Variants in ROR1 observed in about 807,000 individuals in gnomAD.
ROR1 encodes inactive tyrosine-protein kinase transmembrane receptor ROR1.
A neutral mutation model predicts 78.8 loss-of-function variants in ROR1; 19 were observed. That is an observed-to-expected ratio of 0.24 (90% CI 0.17 to 0.35). The LOEUF (loss-of-function observed/expected upper bound fraction) is 0.35, where lower values mean the gene tolerates loss of function less well. Among genes scored for constraint, ROR1 ranks in the 10% least tolerant of loss-of-function variants. ROR1 has a pLI of 1.00. For missense variants in ROR1, 917 were observed against 1,177.8 expected, an observed-to-expected ratio of 0.78 and a Z score of 3.24; for synonymous variants, 386 against 433.6, an observed-to-expected ratio of 0.89 and a Z score of 1.36.
Position 63,877,790 on chromosome 1 carries a change from TG to T in ROR1, c.91+103289del, listed in dbSNP as rs535743587. Reference sequence around the variant, plus strand: ...GCTCCTATATATTTATTAGACATTTTGGGGGGGAAACAGTGAATGAATGAGA... The same window carrying T: ...GCTCCTATATATTTATTAGACATTTTGGGGGGAAACAGTGAATGAATGAGA... On this transcript the variant is annotated intron_variant, in intron 1 of 8. Coordinates refer to ENST00000371079, the MANE Select transcript of ROR1 (RefSeq NM_005012.4). Among the ~76,000 whole-genome samples, 15 of 152,178 alleles carry T rather than the reference TG, an allele frequency of 9.9e-5. No homozygotes were observed. The South Asian group carries it at 2.5e-3, about 25-fold the overall frequency.
At chr1:64,165,612 T>G (rs951859771) in intron 8 of ROR1, among the ~76,000 whole-genome samples, 1 of 152,102 alleles carries the variant, frequency 6.6e-6, no homozygotes, top group Non-Finnish European at 1.5e-5. Flanking sequence ...TTGCTTTTGG[T>G]GTCTTCGTCA....
At chr1:63,954,641 T>C (rs1292360023) in intron 1 of ROR1, among the ~76,000 whole-genome samples, 1 of 152,214 alleles carries the variant, frequency 6.6e-6, no homozygotes, top group East Asian at 1.9e-4. Flanking sequence ...AAACATTGTG[T>C]CTGTACAGGC....
Position 63,774,638 on chromosome 1 carries a change from C to G in ROR1, c.91+130C>G. 1 of 336,192 alleles carries G rather than the reference C, an allele frequency of 3.0e-6. No homozygotes were observed. Among genetic ancestry groups the G allele is most frequent in the Non-Finnish European group, 4.3e-6 (1 of 233,824 alleles). 20.8% of individuals were successfully genotyped at this position (336,192 alleles called of 1,614,324 possible). On this transcript the variant is annotated intron_variant, in intron 1 of 8. Transcript: ENST00000371079. The surrounding 1 kb of genome is among the most constrained non-coding windows in gnomAD (Gnocchi z 5.7). ...CCGGGGCGCGTCCGGCCACCCGCCA[C>G]GGGGCTCGCCGGCGCCGCCAGGCCA... is the stretch of plus-strand genomic sequence containing the variant.
At chr1:64,008,579 A>G (rs115533847) in intron 1 of ROR1, among the ~76,000 whole-genome samples, 2 of 152,098 alleles carry the variant, frequency 1.3e-5, no homozygotes, top group Non-Finnish European at 2.9e-5. Context: ...CATTCCCCCA[A>G]CAGTGTATTA....
intron 1 of ROR1, among the ~76,000 whole-genome samples, chr1:63,959,334 G>A (rs1228052739): frequency 6.6e-6 from 1 of 152,152 alleles, no homozygotes; most frequent in African/African-American, 2.4e-5. Context: ...GATTTGGGTG[G>A]GGACACAGCC....
At chr1:63,932,019 C>G (rs192634013) in intron 1 of ROR1, among the ~76,000 whole-genome samples, 1 of 152,262 alleles carries the variant, frequency 6.6e-6, no homozygotes, top group Non-Finnish European at 1.5e-5. Context: ...CTGCTATACT[C>G]ATATTATGTA....
chr1:63,923,315 C>T (rs1645673187), intron 1 of ROR1, among the ~76,000 whole-genome samples: 1 of 152,044 alleles, frequency 6.6e-6, no homozygotes, highest in Non-Finnish European at 1.5e-5. Flanking sequence ...GACGCAAGGT[C>T]CTGTTGGTTT....
At chr1:63,856,288 T>G (rs1295886802) in intron 1 of ROR1, among the ~76,000 whole-genome samples, 3 of 152,262 alleles carry the variant, frequency 2.0e-5, no homozygotes, top group Non-Finnish European at 4.4e-5. Flanking sequence ...CTTTGAAGAT[T>G]TGGAAGACTG....
chr1:63,843,058 T>A (rs979844858), intron 1 of ROR1: 35 of 485,746 alleles, frequency 7.2e-5, no homozygotes, highest in African/African-American at 5.7e-4. Flanking sequence ...GTTTGGCAAC[T>A]GGAGTGAAGG....
At chr1:64,089,413 G>T (rs1647178200) in intron 4 of ROR1, among the ~76,000 whole-genome samples, 1 of 151,970 alleles carries the variant, frequency 6.6e-6, no homozygotes, top group Non-Finnish European at 1.5e-5. Context: ...GATTTGCCAT[G>T]TTGCCCAAGC....
In ROR1 at chr1:64,160,092, C is replaced by A. The variant is rs1649895392; in HGVS notation, c.1386+900C>A. 2.6e-5 allele frequency among the ~76,000 whole-genome samples: 4 copies of A among 151,984 alleles called. No individual in the cohort carries two copies. The South Asian group carries it at 8.3e-4, about 32-fold the overall frequency. The stretch of plus-strand genomic sequence containing the variant: ...TCTAATTATTCCAATTCCATAAGAA[C>A]ATTCATTCATTCAACAAATATTTAT... On this transcript the variant is annotated intron_variant, in intron 8 of 8. Transcript: ENST00000371079.
intron 1 of ROR1, among the ~76,000 whole-genome samples, chr1:63,806,990 A>G (rs1352146591): frequency 6.6e-6 from 1 of 152,178 alleles, no homozygotes; most frequent in African/African-American, 2.4e-5. Context: ...TTTCTTCCTT[A>G]ATGTGATCAA....
intron 2 of ROR1, among the ~76,000 whole-genome samples, chr1:64,027,450 T>C (rs1289320976): frequency 6.6e-6 from 1 of 152,234 alleles, no homozygotes; most frequent in Non-Finnish European, 1.5e-5. Context: ...TTTTAATCAA[T>C]GGCAATTAAC....
At chr1:64,044,287 C>T (rs1295436749) in intron 2 of ROR1, among the ~76,000 whole-genome samples, 1 of 152,124 alleles carries the variant, frequency 6.6e-6, no homozygotes, top group Non-Finnish European at 1.5e-5. Context: ...GGCTTGGTGT[C>T]CAAATCCTGG....
At chr1:63,840,177 A>G (rs1645040673) in intron 1 of ROR1, among the ~76,000 whole-genome samples, 1 of 152,036 alleles carries the variant, frequency 6.6e-6, no homozygotes. Context: ...TTTGTCTTAC[A>G]CTGTGTTTGG....
chr1:63,903,872 G>C (rs148375107), intron 1 of ROR1, among the ~76,000 whole-genome samples: 1 of 151,958 alleles, frequency 6.6e-6, no homozygotes, highest in Non-Finnish European at 1.5e-5. Flanking sequence ...TATAAGAAAC[G>C]AAATAATCAT....
chr1:63,943,046 C>T (rs1185901815), intron 1 of ROR1, among the ~76,000 whole-genome samples: 1 of 142,928 alleles, frequency 7.0e-6, no homozygotes, highest in Non-Finnish European at 1.5e-5. Context: ...GCTGTGATTA[C>T]ACCACCGCTG....
chr1:64,134,748 CTT>C (rs58315931), intron 4 of ROR1, among the ~76,000 whole-genome samples: 25,492 of 130,942 alleles, frequency 0.19, 2,020 homozygotes, highest in African/African-American at 0.25. Flanking sequence ...TTCTTTCATT[CTT>C]TTTTTTTTTT....
At chr1:64,100,972 G>A (rs1340707514) in intron 4 of ROR1, among the ~76,000 whole-genome samples, 1 of 152,192 alleles carries the variant, frequency 6.6e-6, no homozygotes. Flanking sequence ...GGGAAAGCCA[G>A]TCACTGTATT....
Sources: gnomAD v4.1 joint callset for allele counts (sites outside exome capture counted in the v4.1 genomes callset) on GRCh38, gnomAD v4.1.1 for gene constraint, Gnocchi (gnomAD v3.1) non-coding constraint, MANE v1.5 for transcripts, NCBI Gene and HGNC (gene_info 2026-07-23, HGNC 2026-07-21) for gene names.